The following MTHFSD variants were observed in gnomAD, a reference collection of about 807,000 sequenced individuals.
The protein encoded by MTHFSD is methenyltetrahydrofolate synthetase domain containing.
A neutral mutation model predicts 31.1 loss-of-function variants in MTHFSD; 37 were observed. The observed-to-expected ratio is 1.19, with a 90% CI of 0.91 to 1.56. The LOEUF is 1.56. Ranked by LOEUF, MTHFSD falls within the 40% of genes most tolerant of loss-of-function variation. The pLI is 0.00. For missense variants in MTHFSD, 664 were observed against 510.1 expected, an observed-to-expected ratio of 1.30 and a Z score of -2.91; for synonymous variants, 221 against 206.9, an observed-to-expected ratio of 1.07 and a Z score of -0.59.
At chr16:86,541,388 A>C (rs1971489708) in intron 7 of MTHFSD, 1 of 564,426 alleles carries the variant, frequency 1.8e-6, no homozygotes, top group African/African-American at 1.9e-5. Flanking sequence ...ACAACTCTTA[A>C]AAATGAAAAA....
At chr16:86,537,469 T>C (rs1970868627) in intron 7 of MTHFSD, among the ~76,000 whole-genome samples, 1 of 152,224 alleles carries the variant, frequency 6.6e-6, no homozygotes, top group Admixed American at 6.5e-5. Flanking sequence ...AGTCCTTATC[T>C]GAATTTCTAC....
chr16:86,551,002 G>A (rs1031821823), intron 3 of MTHFSD, among the ~76,000 whole-genome samples: 3 of 152,192 alleles, frequency 2.0e-5, no homozygotes, highest in Admixed American at 6.5e-5. Context: ...GAATGACAAC[G>A]ATTCTGCCCT....
intron 7 of MTHFSD, among the ~76,000 whole-genome samples, chr16:86,534,311 G>A (rs1335188591): frequency 3.3e-5 from 5 of 152,196 alleles, no homozygotes; most frequent in Admixed American, 1.3e-4. Context: ...ATCTTCAGCC[G>A]ATTGTATATT....
chr16:86,540,630 G>GC, intron 7 of MTHFSD: 1 of 974,948 alleles, frequency 1.0e-6, no homozygotes, highest in Non-Finnish European at 1.2e-6. Context: ...GGAGCCGCCA[G>GC]CCTTATGCTC....
chr16:86,548,545 T>G lies in MTHFSD; in HGVS notation c.270A>C (p.Arg90=). The change falls in exon 4 of 8, where the codon CGA becomes CGC. Residue 90 remains arginine, a synonymous_variant. Coordinates refer to ENST00000360900, the MANE Select transcript of MTHFSD (RefSeq NM_001159377.2). ...SKKTLLVPTP[R]LRTGLFNKIT... ...TCTTATTAAACAATCCCGTTCTCAG[T>G]CGTGGTGTTGGAACCAACAATGTTT... is the stretch of plus-strand genomic sequence containing the variant. 1 of 1,613,072 alleles carries G rather than the reference T, an allele frequency of 6.2e-7. No homozygotes were observed. The highest frequency in any genetic ancestry group is 1.1e-5 in the South Asian group (1 of 90,624).
rs201387830 is a variant in MTHFSD at position 86,552,398 on chromosome 16, C to CA, written c.124-253dup. ...TCTCACCCAGACAGGCACTAACAGT[C>CA]ACCCAAAGAAACATCTAAGGAAGCA... On this transcript the variant is annotated intron_variant, in intron 2 of 7. Transcript: ENST00000360900. 835 of 943,528 alleles carry CA rather than the reference C, an allele frequency of 8.8e-4. 13 individuals are homozygous for CA. In the East Asian group the frequency reaches 0.02, roughly 23 times the overall value. The allele number at this position is 943,528 out of a possible 1,614,324, so 58.4% of individuals were successfully genotyped here.
At chr16:86,555,031 C>A in intron 1 of MTHFSD, 138 bp downstream of exon 1, 1 of 1,445,914 alleles carries the variant, frequency 6.9e-7, no homozygotes, top group South Asian at 1.4e-5. Context: ...CCAGCACAGA[C>A]CCCCTCTGAC....
intron 7 of MTHFSD, among the ~76,000 whole-genome samples, chr16:86,535,934 T>A (rs1478971078): frequency 6.6e-6 from 1 of 152,176 alleles, no homozygotes; most frequent in Non-Finnish European, 1.5e-5. Flanking sequence ...CACTGCAGCC[T>A]TGAATACCCA....
intron 7 of MTHFSD, chr16:86,535,400 G>C: frequency 1.0e-6 from 1 of 985,416 alleles, no homozygotes; most frequent in Non-Finnish European, 1.2e-6. Context: ...CAGCTGACAA[G>C]AAAGCCTCCT....
intron 7 of MTHFSD, chr16:86,541,476 T>C: frequency 1.4e-6 from 1 of 689,982 alleles, no homozygotes; most frequent in Non-Finnish European, 2.3e-6. Context: ...AGGCAGATTT[T>C]AAACCTAGCT....
rs751821858 is a variant in MTHFSD, at chr16:86,546,553, T to A, written c.442+6A>T. The A allele has an allele frequency of 6.2e-7, 1 of 1,613,418 alleles. No individual in the cohort carries two copies. The highest frequency in any genetic ancestry group is 1.7e-5 in the Admixed American group (1 of 60,016). On this transcript the variant is annotated splice_donor_region_variant and intron_variant, in intron 5 of 7. Transcript: ENST00000360900. ...ACACTCAAGGGTTCCCATCTGCTAGTCTTACCTTTTTCAGAAACGGCGACG... is the reference window on the plus strand; with the variant it reads ...ACACTCAAGGGTTCCCATCTGCTAGACTTACCTTTTTCAGAAACGGCGACG...
intron 7 of MTHFSD, chr16:86,535,401 A>C (rs1472587114): frequency 1.0e-5 from 10 of 985,294 alleles, no homozygotes; most frequent in Non-Finnish European, 1.1e-5. Flanking sequence ...AGCTGACAAG[A>C]AAGCCTCCTG....
intron 5 of MTHFSD, among the ~76,000 whole-genome samples, chr16:86,545,063 G>A (rs1372763149): frequency 6.6e-6 from 1 of 152,180 alleles, no homozygotes; most frequent in Non-Finnish European, 1.5e-5. Flanking sequence ...TCAGGGCAGG[G>A]GCAGTGGGAG....
At position 86,554,736 on chromosome 16, in the gene MTHFSD, T is replaced by G; in HGVS notation, c.32A>C (p.Gln11Pro). 6.2e-7 allele frequency: 1 copy of G among 1,613,894 alleles called. No homozygotes were observed. Residue 11 changes from glutamine (Q) to proline (P), a missense_variant, in exon 2 of 8, where the codon CAG becomes CCG. Transcript: ENST00000360900. MEPRAVGVSK[Q>P]DIREQIWGYM... Reference sequence around the variant, plus strand: ...GCCCCAAATTTGTTCACGTATGTCCTGTTTGGAGACACCTACTGCAACAAA... The same window carrying G: ...GCCCCAAATTTGTTCACGTATGTCCGGTTTGGAGACACCTACTGCAACAAA...
intron 5 of MTHFSD, among the ~76,000 whole-genome samples, chr16:86,544,420 G>C (rs1169935157): frequency 6.6e-6 from 1 of 152,066 alleles, no homozygotes; most frequent in Non-Finnish European, 1.5e-5. Context: ...GTGGGCAAAG[G>C]GCATGAACAG....
At chr16:86,551,981 G>GGT (rs371469180) in intron 3 of MTHFSD, 52 bp downstream of exon 3, 18,263 of 1,609,380 alleles carry the variant, frequency 0.011, 125 homozygotes, top group Non-Finnish European at 0.014. Flanking sequence ...ACCTGGAAAA[G>GGT]GTGTCCCCCT....
Position 86,532,166 on chromosome 16 carries a change from G to A in MTHFSD, c.997C>T (p.Pro333Ser), listed in dbSNP as rs530544283. 3 of 1,571,246 alleles carry A rather than the reference G, an allele frequency of 1.9e-6. No individual in the cohort carries two copies. Among genetic ancestry groups the A allele is most frequent in the South Asian group, 1.2e-5 (1 of 85,630 alleles). Residue 333 changes from proline to serine, a missense_variant, in exon 8 of 8, where the codon CCC becomes TCC. Coordinates refer to ENST00000360900, the MANE Select transcript of MTHFSD (RefSeq NM_001159377.2). ...GGGCCCTGCCAGGTGAGCCGCAGGG[G>A]CACGGAGCCGAGTTCCCGCAGGGCT... Reference protein sequence around the residue: ...KRALRELGSVPLRLTWQGPRR... With the variant: ...KRALRELGSVSLRLTWQGPRR...
intron 1 of MTHFSD, 28 bp from the exon 2 acceptor site, chr16:86,554,779 CAT>C (rs1459813973): frequency 1.9e-6 from 3 of 1,574,788 alleles, no homozygotes; most frequent in Non-Finnish European, 2.6e-6. Flanking sequence ...CACTTAATAA[CAT>C]ACAAAGGAAT....
rs372016279 is a variant in MTHFSD, at chr16:86,542,181, C to T, written c.475G>A (p.Asp159Asn). The change falls in exon 6 of 8, where the codon GAT becomes AAT. Residue 159 changes from aspartate to asparagine, a missense_variant. Physicochemically the swap from Asp to Asn is conservative, Grantham distance 23 (BLOSUM62 1). Coordinates refer to ENST00000360900, the MANE Select transcript of MTHFSD (RefSeq NM_001159377.2). This position sits in a 1 kb window ranked among gnomAD's most constrained non-coding sequence, Gnocchi z 4.6. ...WRIGKGEGYA[D>N]LEYAMMVSMG... The stretch of plus-strand genomic sequence containing the variant: ...GATACCATCATGGCATATTCCAGAT[C>T]GGCGTAGCCTTCTCCCTTCCCGATT... The T allele has an allele frequency of 1.5e-5, 25 of 1,613,636 alleles. No homozygotes were observed. Among genetic ancestry groups the T allele is most frequent in the Admixed American group, 6.7e-5 (4 of 60,002 alleles).
Sources: allele counts gnomAD v4.1 joint callset (sites outside exome capture counted in the v4.1 genomes callset), GRCh38; gene constraint gnomAD v4.1.1; non-coding constraint Gnocchi (gnomAD v3.1); transcripts MANE v1.5; gene names NCBI Gene and HGNC (gene_info 2026-07-23, HGNC 2026-07-21).